TECPR2: variants seen among roughly 807,000 people sequenced by gnomAD.
TECPR2 encodes tectonin beta-propeller repeat containing 2, also known as tectonin beta-propeller repeat-containing protein 2.
Under a neutral mutation model 138.1 loss-of-function variants are expected in TECPR2, and 65 were observed. The ratio of observed to expected loss-of-function variants is 0.47; its 90% CI spans 0.39 to 0.58. The LOEUF (loss-of-function observed/expected upper bound fraction) is 0.58. TECPR2 is among the 20% of genes least tolerant of loss of function. The pLI, the probability that TECPR2 is intolerant of heterozygous loss-of-function variation, is 0.00. For missense variants in TECPR2, 1,553 were observed against 1,824.5 expected, an observed-to-expected ratio of 0.85 and a Z score of 2.71; for synonymous variants, 746 against 749.8, an observed-to-expected ratio of 0.99 and a Z score of 0.08.
chr14:102,444,787 C>T (rs1324975333), intron 12 of TECPR2, among the ~76,000 whole-genome samples: 1 of 152,156 alleles, frequency 6.6e-6, no homozygotes, highest in African/African-American at 2.4e-5. Context: ...GACTGACCAA[C>T]ATAGTGAAAT....
In TECPR2 at chr14:102,429,074, C is replaced by T. The variant is rs1037423269; in HGVS notation, c.1084+692C>T. Among the ~76,000 whole-genome samples the T allele has an allele frequency of 3.9e-5, 6 of 152,084 alleles. No homozygotes were observed. In the East Asian group the frequency reaches 5.8e-4, roughly 15 times the overall value. On this transcript the variant is annotated intron_variant, in intron 7 of 19. Transcript: ENST00000359520. ...GTTGGTCAGGCAGGTCTCAAACTCC[C>T]GACCTCAGGCGATCCGCCTGCCTCC...
In TECPR2 at chr14:102,457,658, G is replaced by C. The variant is rs192284701; in HGVS notation, c.3640+5031G>C. On this transcript the variant is annotated intron_variant, in intron 16 of 19. Transcript: ENST00000359520. ...ACCTGTAATCCTAGCACTTTGGGAG[G>C]ACTGCTTGAGGCCAGGAATTTAAAA... is the stretch of plus-strand genomic sequence containing the variant. Among the ~76,000 whole-genome samples the C allele has an allele frequency of 1.4e-3, 208 of 152,186 alleles. 1 individual carries two copies. The highest frequency in any genetic ancestry group is 2.1e-3 in the Non-Finnish European group (146 of 68,006).
rs536626124 is a variant in TECPR2 at position 102,393,786 on chromosome 14, C to G, written c.220-13552C>G. Among the ~76,000 whole-genome samples the G allele has an allele frequency of 3.3e-5, 5 of 152,258 alleles. No individual in the cohort carries two copies. The South Asian group carries it at 1.0e-3, about 32-fold the overall frequency. ...TGTGGGCCAGGCTGGTATCGAACTC[C>G]TGACTTCAAATGATCCACCCGCCTC... On this transcript the variant is annotated intron_variant, in intron 2 of 19. Transcript: ENST00000359520.
intron 6 of TECPR2, among the ~76,000 whole-genome samples, chr14:102,427,679 C>G (rs1889360158): frequency 6.6e-6 from 1 of 152,160 alleles, no homozygotes. Context: ...CCATGAGTTG[C>G]AGTGCGCACT....
At chr14:102,437,872 C>A in intron 9 of TECPR2, 150 bp from the exon 10 acceptor site, 1 of 863,234 alleles carries the variant, frequency 1.2e-6, no homozygotes, top group South Asian at 1.7e-5. Context: ...CCACAGATAG[C>A]AGGGGTTGGG....
At chr14:102,409,670 T>A (rs1888768908) in intron 4 of TECPR2, among the ~76,000 whole-genome samples, 1 of 152,164 alleles carries the variant, frequency 6.6e-6, no homozygotes, top group South Asian at 2.1e-4. Context: ...ACAAATATTC[T>A]CTAGTAGTAG....
At position 102,452,575 on chromosome 14, in the gene TECPR2, C is replaced by A; in HGVS notation, c.3588C>A (p.Ser1196=). Residue 1196 remains serine (S), a synonymous_variant, in exon 16 of 20, where the codon TCC becomes TCA. Transcript: ENST00000359520. ...GCCAGGTGTTCATCAGGACGCTCTC[C>A]AAGAGCTGCCCCACGGGCATGCACT... ...SLGQVFIRTL[S]KSCPTGMHWT... The A allele has an allele frequency of 1.2e-6, 2 of 1,608,882 alleles. No individual in the cohort carries two copies. Among genetic ancestry groups the A allele is most frequent in the Non-Finnish European group, 8.5e-7 (1 of 1,178,266 alleles).
intron 8 of TECPR2, among the ~76,000 whole-genome samples, chr14:102,433,373 G>C (rs555335694): frequency 6.7e-6 from 1 of 149,684 alleles, no homozygotes; most frequent in African/African-American, 2.5e-5. Context: ...CTCAGTGTTT[G>C]GCTCCCACTT....
chr14:102,424,835 A>C (rs1347579204), intron 5 of TECPR2, 144 bp from the exon 6 acceptor site: 3 of 841,860 alleles, frequency 3.6e-6, no homozygotes, highest in Non-Finnish European at 5.4e-6. Context: ...TTTGACAAAA[A>C]ACAAACAGTA....
chr14:102,428,164 T>C lies in TECPR2; in HGVS notation c.952-86T>C, dbSNP rs555724871. On this transcript the variant is annotated intron_variant, in intron 6 of 19. Transcript: ENST00000359520. ...CAGTTATCATTTGACTGATTTGGAC[T>C]CTCACACATGCATTTTTATGCTTTG... 52 of 1,434,122 alleles carry C rather than the reference T, an allele frequency of 3.6e-5. No individual in the cohort carries two copies. The South Asian group carries it at 5.0e-4, about 14-fold the overall frequency. 88.8% of individuals were successfully genotyped at this position (1,434,122 alleles called of 1,614,324 possible).
At chr14:102,412,685 G>T (rs1015440376) in intron 4 of TECPR2, among the ~76,000 whole-genome samples, 18 of 151,776 alleles carry the variant, frequency 1.2e-4, no homozygotes, top group African/African-American at 4.4e-4. Context: ...AATAAAAATG[G>T]TGTTTTGTGA....
At chr14:102,431,210 A>AAAAT (rs35012872) in intron 7 of TECPR2, among the ~76,000 whole-genome samples, 4,689 of 150,920 alleles carry the variant, frequency 0.031, 92 homozygotes, top group Non-Finnish European at 0.053. Flanking sequence ...CTCCGTCTCA[A>AAAAT]AAATAAATAA....
In TECPR2 at chr14:102,434,326, C is replaced by T; in HGVS notation, c.1509C>T (p.Asp503=). Residue 503 remains aspartate (D), a synonymous_variant, in exon 9 of 20, where the codon GAC becomes GAT. Transcript: ENST00000359520. ...PGDSPQSLNT[D]LLSMTSSVLG... ...ACAGTCCCCAGTCCTTGAACACAGACTTGCTGTCGATGACCTCAAGTGTCC... is the reference window on the plus strand; with the variant it reads ...ACAGTCCCCAGTCCTTGAACACAGATTTGCTGTCGATGACCTCAAGTGTCC... The T allele has an allele frequency of 6.8e-7, 1 of 1,462,894 alleles. No homozygotes were observed. Among genetic ancestry groups the T allele is most frequent in the Non-Finnish European group, 9.1e-7 (1 of 1,104,034 alleles). 90.6% of individuals were successfully genotyped at this position (1,462,894 alleles called of 1,614,324 possible). A position where few individuals can be genotyped will look rare whatever the true frequency, so the allele number is the denominator to read the frequency against.
In TECPR2 at chr14:102,419,878, G is replaced by A. The variant is rs888837064; in HGVS notation, c.638+5085G>A. On this transcript the variant is annotated intron_variant, in intron 5 of 19. Coordinates refer to ENST00000359520, the MANE Select transcript of TECPR2 (RefSeq NM_014844.5). This position sits in a 1 kb window ranked among gnomAD's most constrained non-coding sequence, Gnocchi z 4.8. ...GGCAGTAGCACTTTGCCCTGGGGAA[G>A]GAGAAGGAGACGCAGCAATCTGTAG... Among the ~76,000 whole-genome samples the A allele has an allele frequency of 2.6e-5, 4 of 152,206 alleles. No individual in the cohort carries two copies. The highest frequency in any genetic ancestry group is 9.6e-5 in the African/African-American group (4 of 41,452).
chr14:102,462,286 T>G (rs1039391384), intron 16 of TECPR2, among the ~76,000 whole-genome samples: 2 of 152,252 alleles, frequency 1.3e-5, no homozygotes, highest in African/African-American at 4.8e-5. Context: ...GAGTTACTGT[T>G]GAAGGTACTT....
At chr14:102,390,336 AT>A (rs1888134464) in intron 2 of TECPR2, among the ~76,000 whole-genome samples, 1 of 151,798 alleles carries the variant, frequency 6.6e-6, no homozygotes, top group Non-Finnish European at 1.5e-5. Context: ...TGATTGCTGG[AT>A]TTCTGTTTGA....
chr14:102,363,069 T>C lies in TECPR2; in HGVS notation c.-120T>C, dbSNP rs2139640371. On this transcript the variant is annotated 5_prime_UTR_variant, in exon 1 of 20. Coordinates refer to ENST00000359520, the MANE Select transcript of TECPR2 (RefSeq NM_014844.5). ...CCCGCGGCCCGGAGTCCATCCCGCC[T>C]CCTCCGGCCCGGCGGGGCCGACGAG... is the stretch of plus-strand genomic sequence containing the variant. 1 of 509,910 alleles carries C rather than the reference T, an allele frequency of 2.0e-6. No homozygotes were observed. The highest frequency in any genetic ancestry group is 3.4e-5 in the East Asian group (1 of 28,990). The allele number at this position is 509,910 out of a possible 1,614,324, so 31.6% of individuals were successfully genotyped here. A position where few individuals can be genotyped will look rare whatever the true frequency, so the allele number is the denominator to read the frequency against.
chr14:102,448,275 A>T (rs1003024039), intron 13 of TECPR2, among the ~76,000 whole-genome samples: 21 of 152,204 alleles, frequency 1.4e-4, no homozygotes, highest in Non-Finnish European at 2.6e-4. Flanking sequence ...TAGGGCATTT[A>T]TGCCAGTGAT....
chr14:102,494,358 C>T (rs1891227109), intron 17 of TECPR2, among the ~76,000 whole-genome samples: 2 of 152,136 alleles, frequency 1.3e-5, no homozygotes, highest in Admixed American at 1.3e-4. Flanking sequence ...GCCTGGCCAA[C>T]ATGGTGAAAC....
Sources: gnomAD v4.1 joint callset for allele counts (sites outside exome capture counted in the v4.1 genomes callset) on GRCh38, gnomAD v4.1.1 for gene constraint, Gnocchi (gnomAD v3.1) non-coding constraint, MANE v1.5 for transcripts, NCBI Gene and HGNC (gene_info 2026-07-23, HGNC 2026-07-21) for gene names.